NCAM1: variants seen among roughly 807,000 people sequenced by gnomAD.
NCAM1 encodes the protein neural cell adhesion molecule 1.
NCAM1 carries 14 observed loss-of-function variants against 109.8 expected under a neutral mutation model. That is an observed-to-expected ratio of 0.13 (90% CI 0.08 to 0.20). The LOEUF is 0.20. Among genes scored for constraint, NCAM1 ranks in the 10% least tolerant of loss-of-function variants. The probability of loss-of-function intolerance (pLI) is 1.00; values close to 1 mark genes in which losing one functional copy is unlikely to be tolerated. For missense variants in NCAM1, 774 were observed against 1,109.9 expected, an observed-to-expected ratio of 0.70 and a Z score of 4.30; for synonymous variants, 418 against 442.9, an observed-to-expected ratio of 0.94 and a Z score of 0.70.
chr11:112,995,523 G>A (rs1384462762), intron 1 of NCAM1, among the ~76,000 whole-genome samples: 1 of 152,162 alleles, frequency 6.6e-6, no homozygotes, highest in Non-Finnish European at 1.5e-5. Flanking sequence ...GGACATTTGA[G>A]TTTTTGTTGA....
chr11:113,049,452 T>G (rs1164558727), intron 1 of NCAM1, among the ~76,000 whole-genome samples: 4 of 152,154 alleles, frequency 2.6e-5, no homozygotes, highest in African/African-American at 9.7e-5. Context: ...TTGCAGAGTG[T>G]TTTGCACATG....
At chr11:113,140,222 C>T (rs1324058344) in intron 1 of NCAM1, among the ~76,000 whole-genome samples, 1 of 152,146 alleles carries the variant, frequency 6.6e-6, no homozygotes, top group Admixed American at 6.5e-5. Context: ...CAGACCCTGC[C>T]TCCTGTGTCC....
intron 1 of NCAM1, among the ~76,000 whole-genome samples, chr11:113,000,009 C>T (rs569359286): frequency 6.6e-6 from 1 of 152,272 alleles, no homozygotes; most frequent in South Asian, 2.1e-4. Context: ...TTAGTGAAGA[C>T]TCAGATAAAT....
At chr11:113,036,347 A>G (rs1952884633) in intron 1 of NCAM1, among the ~76,000 whole-genome samples, 1 of 151,532 alleles carries the variant, frequency 6.6e-6, no homozygotes, top group Non-Finnish European at 1.5e-5. Context: ...CCTCTCCAGC[A>G]CTCCACCACC....
At chr11:113,026,747 C>T (rs7949094) in intron 1 of NCAM1, among the ~76,000 whole-genome samples, 11 of 152,136 alleles carry the variant, frequency 7.2e-5, no homozygotes, top group Non-Finnish European at 4.4e-5. Flanking sequence ...GTAGTAGTAA[C>T]GATGATAGCT....
chr11:113,025,778 CGAGA>C (rs199893109), intron 1 of NCAM1, among the ~76,000 whole-genome samples: 3,118 of 118,644 alleles, frequency 0.026, 75 homozygotes, highest in African/African-American at 0.071. Context: ...CACAGGGAGC[CGAGA>C]GAGAGAGAGA....
At chr11:113,169,629 GT>G (rs3051905) in intron 1 of NCAM1, among the ~76,000 whole-genome samples, 12 of 139,258 alleles carry the variant, frequency 8.6e-5, no homozygotes, top group Non-Finnish European at 1.1e-4. Flanking sequence ...TTGGATGGGA[GT>G]TTTTTTTTTT....
chr11:113,077,018 G>A (rs1344107634), intron 1 of NCAM1, among the ~76,000 whole-genome samples: 1 of 152,140 alleles, frequency 6.6e-6, no homozygotes, highest in Non-Finnish European at 1.5e-5. Context: ...GTCAACATGG[G>A]ATCTTGACTC....
intron 14 of NCAM1, chr11:113,242,760 C>T (rs782160145): frequency 6.4e-7 from 1 of 1,551,506 alleles, no homozygotes; most frequent in East Asian, 2.2e-5. Context: ...TCTCCATTCT[C>T]TCCTTCACCT....
At chr11:112,978,832 A>G (rs1199954581) in intron 1 of NCAM1, among the ~76,000 whole-genome samples, 2 of 151,880 alleles carry the variant, frequency 1.3e-5, no homozygotes, top group East Asian at 3.9e-4. Flanking sequence ...ATGATTGTGT[A>G]TAATCATGGA....
At chr11:113,108,404 T>C (rs1164831380) in intron 1 of NCAM1, among the ~76,000 whole-genome samples, 1 of 152,222 alleles carries the variant, frequency 6.6e-6, no homozygotes, top group East Asian at 1.9e-4. Context: ...GAATGAATAT[T>C]GTTCAAAGCT....
chr11:113,086,914 C>T lies in NCAM1; in HGVS notation c.53-115465C>T, dbSNP rs1023461029. On this transcript the variant is annotated intron_variant, in intron 1 of 19. Transcript: ENST00000316851. ...GTTTTATTTTTGATTATCTGAATAA[C>T]TTCTCTTCAGTTTTCATGAGTACTT... Among the ~76,000 whole-genome samples, 13 of 152,262 alleles carry T rather than the reference C, an allele frequency of 8.5e-5. 1 individual carries two copies. The highest frequency in any genetic ancestry group is 8.3e-4 in the South Asian group (4 of 4,818).
At chr11:112,993,877 T>C (rs1951528529) in intron 1 of NCAM1, among the ~76,000 whole-genome samples, 1 of 152,212 alleles carries the variant, frequency 6.6e-6, no homozygotes, top group African/African-American at 2.4e-5. Flanking sequence ...GAAGTTTTTT[T>C]AGTGTCTGCA....
At chr11:112,967,078 C>T (rs938499433) in intron 1 of NCAM1, among the ~76,000 whole-genome samples, 1 of 152,180 alleles carries the variant, frequency 6.6e-6, no homozygotes, top group Admixed American at 6.5e-5. Flanking sequence ...TAAAAGGCTT[C>T]TATGTAACCT....
At chr11:113,102,940 A>G (rs1295014582) in intron 1 of NCAM1, among the ~76,000 whole-genome samples, 2 of 152,174 alleles carry the variant, frequency 1.3e-5, no homozygotes, top group African/African-American at 2.4e-5. Context: ...TGATTATTAG[A>G]CACAAAATAA....
At chr11:113,020,769 A>ATTG (rs1474565772) in intron 1 of NCAM1, among the ~76,000 whole-genome samples, 1 of 151,934 alleles carries the variant, frequency 6.6e-6, no homozygotes, top group East Asian at 1.9e-4. Flanking sequence ...TATTATTATT[A>ATTG]TAATTGGAAG....
At chr11:113,025,347 T>C (rs1555076992) in intron 1 of NCAM1, among the ~76,000 whole-genome samples, 1 of 152,220 alleles carries the variant, frequency 6.6e-6, no homozygotes, top group African/African-American at 2.4e-5. Context: ...GCCATATTTA[T>C]TCATTCCTTT....
intron 16 of NCAM1, among the ~76,000 whole-genome samples, chr11:113,259,204 A>T (rs893448405): frequency 1.3e-5 from 2 of 151,636 alleles, no homozygotes; most frequent in Non-Finnish European, 2.9e-5. Context: ...GGCGCCCGCC[A>T]CTACGCCCGG....
At chr11:113,263,880 C>T (rs1483749290) in intron 17 of NCAM1, 2 of 985,460 alleles carry the variant, frequency 2.0e-6, no homozygotes, top group Non-Finnish European at 2.4e-6. Flanking sequence ...CTGCCCAGCC[C>T]AGGAGGGTTA....
Sources: gnomAD v4.1 joint callset for allele counts (sites outside exome capture counted in the v4.1 genomes callset) on GRCh38, gnomAD v4.1.1 for gene constraint, MANE v1.5 for transcripts, NCBI Gene and HGNC (gene_info 2026-07-23, HGNC 2026-07-21) for gene names.